The following DRD4 variants were observed in gnomAD, a reference collection of about 807,000 sequenced individuals.
DRD4 encodes D(4) dopamine receptor.
Under a neutral mutation model 22.1 loss-of-function variants are expected in DRD4, and 26 were observed. That is an observed-to-expected ratio of 1.17 (90% CI 0.86 to 1.63). The LOEUF is 1.63. DRD4 is among the 40% of genes most tolerant of loss of function. The pLI is 0.00. For missense variants in DRD4, 913 were observed against 632.4 expected (o/e 1.44, Z -4.76); for synonymous variants, 455 against 306.7 (o/e 1.48, Z -5.05).
Position 640,099 on chromosome 11 carries a change from A to G in DRD4, c.850A>G (p.Ser284Gly), listed in dbSNP as rs34662058. The change falls in exon 3 of 4, where the codon AGC (serine) becomes GGC (glycine). Residue 284 changes from serine to glycine, a missense_variant. Transcript: ENST00000176183. Reference sequence around the variant, plus strand: ...CCCCGACTGTGCGCCCGCCGCGCCCAGCCTCCCCCAGGACCCCTGCGGCCC... The same window carrying G: ...CCCCGACTGTGCGCCCGCCGCGCCCGGCCTCCCCCAGGACCCCTGCGGCCC... ...CGPDCAPAAP[S>G]LPQDPCGPDC... The G allele has an allele frequency of 0.25, 240,940 of 957,850 alleles. 37,650 individuals are homozygous for G. The highest frequency in any genetic ancestry group is 0.47 in the African/African-American group (22,744 of 48,382). 59.3% of individuals were successfully genotyped at this position (957,850 alleles called of 1,614,324 possible).
In DRD4 at chr11:637,363, CG is replaced by C; in HGVS notation, c.64del (p.Ala22HisfsTer36). Reference protein sequence around the residue: ...DGLLAGRGPAAGASAGASAGL... With the variant: ...DGLLAGRGPAXGASAGASAGL... ...CTGCTGGCTGGGCGCGGGCCGGCCGCGGGGGCATCTGCGGGGGCATCTGCGG... is the reference window on the plus strand; with the variant it reads ...CTGCTGGCTGGGCGCGGGCCGGCCGCGGGGCATCTGCGGGGGCATCTGCGG... On this transcript the variant is annotated frameshift_variant, in exon 1 of 4. Coordinates refer to ENST00000176183, the MANE Select transcript of DRD4 (RefSeq NM_000797.4). LOFTEE classifies it high-confidence loss of function. 1 of 1,136,580 alleles carries C rather than the reference CG, an allele frequency of 8.8e-7. No individual in the cohort carries two copies. The highest frequency in any genetic ancestry group is 1.1e-6 in the Non-Finnish European group (1 of 899,774). 70.4% of individuals were successfully genotyped at this position (1,136,580 alleles called of 1,614,324 possible). A position where few individuals can be genotyped will look rare whatever the true frequency, so the allele number is the denominator to read the frequency against.
chr11:640,375 G>A (rs750118457), intron 3 of DRD4, 26 bp from the exon 4 acceptor site: 4 of 1,592,252 alleles, frequency 2.5e-6, no homozygotes, highest in Admixed American at 1.7e-5. Context: ...GGCGGGGGGC[G>A]CTAACGCGGC....
In DRD4 at chr11:637,408, CGGCGGCGCT is replaced by C. The variant is rs1564911717; in HGVS notation, c.107_115del (p.Ala36_Leu38del). The C allele has an allele frequency of 2.0e-6, 3 of 1,494,760 alleles. No homozygotes were observed. Among genetic ancestry groups the C allele is most frequent in the Non-Finnish European group, 2.7e-6 (3 of 1,129,254 alleles). The allele number at this position is 1,494,760 out of a possible 1,614,324, so 92.6% of individuals were successfully genotyped here. On this transcript the variant is annotated inframe_deletion, in exon 1 of 4. Coordinates refer to ENST00000176183, the MANE Select transcript of DRD4 (RefSeq NM_000797.4). ...TCTGCGGGGCTGGCTGGGCAGGGCG[CGGCGGCGCT>C]GGTGGGGGGCGTGCTGCTCATCGGC...
Position 640,204 on chromosome 11 carries a change from GCCGCGCTC to G in DRD4, c.958_965del (p.Ala320ThrfsTer127). On this transcript the variant is annotated frameshift_variant, in exon 3 of 4. Coordinates refer to ENST00000176183, the MANE Select transcript of DRD4 (RefSeq NM_000797.4). LOFTEE classifies it high-confidence loss of function. ...TGCTCCCCCCGACGCCGTCAGAGCCGCCGCGCTCCCACCCCAGACTCCACCGCAGACCC... is the reference window on the plus strand; with the variant it reads ...TGCTCCCCCCGACGCCGTCAGAGCCGCCACCCCAGACTCCACCGCAGACCC... 1 of 1,527,982 alleles carries G rather than the reference GCCGCGCTC, an allele frequency of 6.5e-7. No homozygotes were observed. Among genetic ancestry groups the G allele is most frequent in the Non-Finnish European group, 8.7e-7 (1 of 1,144,636 alleles). 94.7% of individuals were successfully genotyped at this position (1,527,982 alleles called of 1,614,324 possible). A position where few individuals can be genotyped will look rare whatever the true frequency, so the allele number is the denominator to read the frequency against.
Position 640,011 on chromosome 11 carries a change from C to T in DRD4, c.762C>T (p.Pro254=). Residue 254 remains proline (P), a synonymous_variant, in exon 3 of 4, where the codon CCC becomes CCT. Coordinates refer to ENST00000176183, the MANE Select transcript of DRD4 (RefSeq NM_000797.4). ...PSPTPPAPRL[P]QDPCGPDCAP... ...CCACGCCACCCGCGCCCCGCCTCCC[C>T]CAGGACCCCTGCGGCCCCGACTGTG... is the stretch of plus-strand genomic sequence containing the variant. 1 of 1,262,114 alleles carries T rather than the reference C, an allele frequency of 7.9e-7. No individual in the cohort carries two copies. Among genetic ancestry groups the T allele is most frequent in the Non-Finnish European group, 9.9e-7 (1 of 1,008,016 alleles). 78.2% of individuals were successfully genotyped at this position (1,262,114 alleles called of 1,614,324 possible). A position where few individuals can be genotyped will look rare whatever the true frequency, so the allele number is the denominator to read the frequency against.
At chr11:637,611 G>A (rs1484108971) in intron 1 of DRD4, 22 bp downstream of exon 1, 24 of 1,540,630 alleles carry the variant, frequency 1.6e-5, no homozygotes, top group Non-Finnish European at 1.9e-5. Flanking sequence ...CCGGCCGCAC[G>A]AGCATCCTCA....
rs1012012129 is a variant in DRD4 at position 639,693 on chromosome 11, G to C, written c.444G>C (p.Gly148=). 1.4e-6 allele frequency: 2 copies of C among 1,479,620 alleles called. No homozygotes were observed. Among genetic ancestry groups the C allele is most frequent in the African/African-American group, 1.5e-5 (1 of 68,276 alleles). The allele number at this position is 1,479,620 out of a possible 1,614,324, so 91.7% of individuals were successfully genotyped here. ...AVPLRYNRQG[G]SRRQLLLIGA... ...CGCTGCGCTACAACCGGCAGGGTGG[G>C]AGCCGCCGGCAGCTGCTGCTCATCG... is the stretch of plus-strand genomic sequence containing the variant. The change falls in exon 3 of 4, where the codon GGG becomes GGC. Residue 148 remains glycine, a synonymous_variant. Transcript: ENST00000176183.
intron 1 of DRD4, 43 bp downstream of exon 1, chr11:637,632 G>A (rs564644007): frequency 3.3e-6 from 5 of 1,536,904 alleles, no homozygotes; most frequent in South Asian, 1.2e-5. Context: ...CCTGCTCCTC[G>A]GTTCCCCGTC....
chr11:637,291 C>G lies in DRD4; in HGVS notation c.-14C>G. ...GGCGTTGTCCGCGGTGCTCAGCGCCCGCCCGGGCGCGCCATGGGGAACCGC... is the reference window on the plus strand; with the variant it reads ...GGCGTTGTCCGCGGTGCTCAGCGCCGGCCCGGGCGCGCCATGGGGAACCGC... On this transcript the variant is annotated 5_prime_UTR_variant, in exon 1 of 4. Transcript: ENST00000176183. The G allele has an allele frequency of 1.4e-5, 17 of 1,193,210 alleles. No homozygotes were observed. The highest frequency in any genetic ancestry group is 1.7e-5 in the Non-Finnish European group (16 of 963,490). The allele number at this position is 1,193,210 out of a possible 1,614,324, so 73.9% of individuals were successfully genotyped here.
In DRD4 at chr11:640,177, T is replaced by C. The variant is rs544091514; in HGVS notation, c.928T>C (p.Cys310Arg). 1.6e-4 allele frequency: 250 copies of C among 1,527,156 alleles called. 1 individual carries two copies. The Middle Eastern group carries it at 1.8e-3, about 11-fold the overall frequency. The allele number at this position is 1,527,156 out of a possible 1,614,324, so 94.6% of individuals were successfully genotyped here. A position where few individuals can be genotyped will look rare whatever the true frequency, so the allele number is the denominator to read the frequency against. Residue 310 changes from cysteine (C) to arginine (R), a missense_variant, in exon 3 of 4, where the codon TGT (cysteine) becomes CGT (arginine). By Grantham distance (180) the Cys-to-Arg change is radical (BLOSUM62 -3). Transcript: ENST00000176183. ...GLPPDPCGSN[C>R]APPDAVRAAA... ...CCCCCCGGACCCCTGCGGCTCCAAC[T>C]GTGCTCCCCCCGACGCCGTCAGAGC... is the stretch of plus-strand genomic sequence containing the variant.
Position 639,521 on chromosome 11 carries a change from A to T in DRD4, c.374A>T (p.Asn125Ile), listed in dbSNP as rs1271810539. ...ATGCTGTGCACCGCCTCCATCTTCAACCTGTGCGCCATCAGCGTGGACAGG... is the reference window on the plus strand; with the variant it reads ...ATGCTGTGCACCGCCTCCATCTTCATCCTGTGCGCCATCAGCGTGGACAGG... ...DVMLCTASIF[N>I]LCAISVDRFV... Residue 125 changes from asparagine to isoleucine, a missense_variant, in exon 2 of 4, where the codon AAC (asparagine) becomes ATC (isoleucine). Asn to Ile is a moderately radical substitution (Grantham distance 149, BLOSUM62 -3). Transcript: ENST00000176183. The T allele has an allele frequency of 6.2e-7, 1 of 1,600,618 alleles. No individual in the cohort carries two copies. Among genetic ancestry groups the T allele is most frequent in the Admixed American group, 1.7e-5 (1 of 59,754 alleles).
chr11:637,382 A>T lies in DRD4; in HGVS notation c.78A>T (p.Ala26=), dbSNP rs762138953. ...RGPAAGASAG[A]SAGLAGQGAA... The stretch of plus-strand genomic sequence containing the variant: ...CGGCCGCGGGGGCATCTGCGGGGGC[A>T]TCTGCGGGGCTGGCTGGGCAGGGCG... Residue 26 remains alanine (A), a synonymous_variant, in exon 1 of 4, where the codon GCA becomes GCT. Coordinates refer to ENST00000176183, the MANE Select transcript of DRD4 (RefSeq NM_000797.4). 4 of 1,338,278 alleles carry T rather than the reference A, an allele frequency of 3.0e-6. No individual in the cohort carries two copies. In the South Asian group the frequency reaches 6.6e-5, roughly 22 times the overall value. 82.9% of individuals were successfully genotyped at this position (1,338,278 alleles called of 1,614,324 possible). A position where few individuals can be genotyped will look rare whatever the true frequency, so the allele number is the denominator to read the frequency against.
In DRD4 at chr11:637,287, C is replaced by A; in HGVS notation, c.-18C>A. The A allele has an allele frequency of 1.7e-6, 2 of 1,189,728 alleles. No individual in the cohort carries two copies. Among genetic ancestry groups the A allele is most frequent in the African/African-American group, 1.6e-5 (1 of 62,082 alleles). The allele number at this position is 1,189,728 out of a possible 1,614,324, so 73.7% of individuals were successfully genotyped here. A position where few individuals can be genotyped will look rare whatever the true frequency, so the allele number is the denominator to read the frequency against. On this transcript the variant is annotated 5_prime_UTR_variant, in exon 1 of 4. Transcript: ENST00000176183. ...ACCCGGCGTTGTCCGCGGTGCTCAG[C>A]GCCCGCCCGGGCGCGCCATGGGGAA...
At position 639,628 on chromosome 11, in the gene DRD4, C is replaced by T. The variant is rs1858157243; in HGVS notation, c.399-20C>T. 1 of 1,415,754 alleles carries T rather than the reference C, an allele frequency of 7.1e-7. No homozygotes were observed. The highest frequency in any genetic ancestry group is 1.5e-5 in the African/African-American group (1 of 66,566). 87.7% of individuals were successfully genotyped at this position (1,415,754 alleles called of 1,614,324 possible). On this transcript the variant is annotated intron_variant, in intron 2 of 3. Coordinates refer to ENST00000176183, the MANE Select transcript of DRD4 (RefSeq NM_000797.4). ...CCGCGGCCTGTGCGCTGTCCGGCGC[C>T]CCCTCGGCGCTCCCCGCAGGTTCGT...
At position 637,536 on chromosome 11, in the gene DRD4, G is replaced by A. The variant is rs146562378; in HGVS notation, c.232G>A (p.Ala78Thr). The A allele has an allele frequency of 4.0e-4, 623 of 1,564,100 alleles. 3 individuals carry two copies. The African/African-American group carries it at 8.0e-3, about 20-fold the overall frequency. Reference sequence around the variant, plus strand: ...CAACTCCTTCATCGTGAGCCTGGCGGCCGCCGACCTCCTCCTCGCTCTCCT... The same window carrying A: ...CAACTCCTTCATCGTGAGCCTGGCGACCGCCGACCTCCTCCTCGCTCTCCT... ...PTNSFIVSLA[A>T]ADLLLALLVL... Residue 78 changes from alanine (A) to threonine (T), a missense_variant, in exon 1 of 4, where the codon GCC (alanine) becomes ACC (threonine). Coordinates refer to ENST00000176183, the MANE Select transcript of DRD4 (RefSeq NM_000797.4).
intron 2 of DRD4, 36 bp downstream of exon 2, chr11:639,581 C>G (rs200974673): frequency 9.0e-6 from 12 of 1,330,070 alleles, no homozygotes; most frequent in African/African-American, 4.7e-5. Context: ...CCGGCGCCCC[C>G]GCGCCCCGCC....
In DRD4 at chr11:640,514, G is replaced by GTCAACAGCGCCC. The variant is rs1564914556; in HGVS notation, c.1177_1188dup (p.Ser393_Asn396dup). 6.3e-7 allele frequency: 1 copy of GTCAACAGCGCCC among 1,599,126 alleles called. No individual in the cohort carries two copies. Among genetic ancestry groups the GTCAACAGCGCCC allele is most frequent in the South Asian group, 1.1e-5 (1 of 90,950 alleles). ...CAGCGCCGTCACCTGGCTGGGCTAC[G>GTCAACAGCGCCC]TCAACAGCGCCCTCAACCCCGTCAT... On this transcript the variant is annotated inframe_insertion, in exon 4 of 4. Coordinates refer to ENST00000176183, the MANE Select transcript of DRD4 (RefSeq NM_000797.4).
chr11:637,639 C>T (rs754975933), intron 1 of DRD4, 50 bp downstream of exon 1: 53 of 1,535,848 alleles, frequency 3.5e-5, no homozygotes, highest in South Asian at 1.4e-4. Flanking sequence ...CTCGGTTCCC[C>T]GTCCCTGTCC....
chr11:637,564 T>G lies in DRD4; in HGVS notation c.260T>G (p.Val87Gly), dbSNP rs1199197512. 6.4e-7 allele frequency: 1 copy of G among 1,557,378 alleles called. No individual in the cohort carries two copies. Among genetic ancestry groups the G allele is most frequent in the African/African-American group, 1.4e-5 (1 of 73,738 alleles). ...AAADLLLALL[V>G]LPLFVYSEVQ... ...GCCGACCTCCTCCTCGCTCTCCTGGTGCTGCCGCTCTTCGTCTACTCCGAG... is the reference window on the plus strand; with the variant it reads ...GCCGACCTCCTCCTCGCTCTCCTGGGGCTGCCGCTCTTCGTCTACTCCGAG... Residue 87 changes from valine to glycine, a missense_variant, in exon 1 of 4, where the codon GTG (valine) becomes GGG (glycine). Physicochemically the swap from Val to Gly is moderately radical, Grantham distance 109. Coordinates refer to ENST00000176183, the MANE Select transcript of DRD4 (RefSeq NM_000797.4).
Sources: gnomAD v4.1 joint callset for allele counts on GRCh38, gnomAD v4.1.1 for gene constraint, MANE v1.5 for transcripts, NCBI Gene and HGNC (gene_info 2026-07-23, HGNC 2026-07-21) for gene names.